Variants in ARHGAP15 observed in about 807,000 individuals in gnomAD.
ARHGAP15 encodes Rho GTPase activating protein 15.
A neutral mutation model predicts 63.7 loss-of-function variants in ARHGAP15; 51 were observed. The ratio of observed to expected loss-of-function variants is 0.80; its 90% CI spans 0.64 to 1.01. The LOEUF (loss-of-function observed/expected upper bound fraction) is 1.01. ARHGAP15 is among the 50% of genes least tolerant of loss of function. The pLI, the probability that ARHGAP15 is intolerant of heterozygous loss-of-function variation, is 0.00. For missense variants in ARHGAP15, 560 were observed against 564.6 expected (o/e 0.99, Z 0.08); for synonymous variants, 191 against 193.8 (o/e 0.99, Z 0.12).
At chr2:143,400,047 G>C (rs533828602) in intron 6 of ARHGAP15, among the ~76,000 whole-genome samples, 6 of 152,120 alleles carry the variant, frequency 3.9e-5, no homozygotes, top group African/African-American at 9.6e-5. Context: ...GTGGTTCTGT[G>C]AACTGGTTGT....
chr2:143,354,989 GTTT>G (rs903371832), intron 6 of ARHGAP15, among the ~76,000 whole-genome samples: 3 of 152,048 alleles, frequency 2.0e-5, no homozygotes, highest in Non-Finnish European at 1.5e-5. Flanking sequence ...CATTGTAAGC[GTTT>G]TTTAACATCC....
intron 6 of ARHGAP15, among the ~76,000 whole-genome samples, chr2:143,357,353 ATCT>A (rs1466774643): frequency 1.4e-5 from 2 of 145,264 alleles, no homozygotes; most frequent in Non-Finnish European, 3.1e-5. Flanking sequence ...ATTTATGGAA[ATCT>A]TTTTTTTTTT....
At chr2:143,218,161 G>A (rs1042250372) in intron 4 of ARHGAP15, among the ~76,000 whole-genome samples, 4 of 151,454 alleles carry the variant, frequency 2.6e-5, no homozygotes, top group African/African-American at 4.9e-5. Flanking sequence ...CCTGTTTTCC[G>A]TGTTACAGTT....
intron 13 of ARHGAP15, among the ~76,000 whole-genome samples, chr2:143,715,953 T>A (rs765147025): frequency 1.3e-5 from 2 of 152,198 alleles, no homozygotes; most frequent in Non-Finnish European, 2.9e-5. Context: ...TAGCTAGCAC[T>A]ATTTATTAAA....
At chr2:143,259,365 T>C (rs929615403) in intron 6 of ARHGAP15, among the ~76,000 whole-genome samples, 1 of 152,138 alleles carries the variant, frequency 6.6e-6, no homozygotes, top group African/African-American at 2.4e-5. Flanking sequence ...TTAATGCATA[T>C]GAAAATAAAT....
chr2:143,745,851 C>G (rs1286563966), intron 13 of ARHGAP15, among the ~76,000 whole-genome samples: 4 of 152,186 alleles, frequency 2.6e-5, no homozygotes, highest in African/African-American at 9.7e-5. Flanking sequence ...GAAACTGAAG[C>G]TGAGCAAGGC....
chr2:143,671,256 T>C (rs1682511036), intron 12 of ARHGAP15, among the ~76,000 whole-genome samples: 1 of 152,166 alleles, frequency 6.6e-6, no homozygotes, highest in Admixed American at 6.5e-5. Context: ...AATTAGTTTT[T>C]TTTTTATATC....
At chr2:143,326,754 T>A (rs974240071) in intron 6 of ARHGAP15, among the ~76,000 whole-genome samples, 2 of 152,180 alleles carry the variant, frequency 1.3e-5, no homozygotes, top group African/African-American at 4.8e-5. Flanking sequence ...TAGGTATTGA[T>A]GGGTCTTATC....
intron 11 of ARHGAP15, among the ~76,000 whole-genome samples, chr2:143,577,583 C>T (rs906833444): frequency 2.6e-5 from 4 of 152,142 alleles, no homozygotes; most frequent in Non-Finnish European, 4.4e-5. Flanking sequence ...GCTTCATACT[C>T]AGGCTTTGCA....
chr2:143,193,276 G>A lies in ARHGAP15; in HGVS notation c.166-8858G>A, dbSNP rs552608740. ...GCAAGAATCCAGCCAACTTGTGAGT[G>A]GGCACCATGCCATTTGAGCAGATGG... is the stretch of plus-strand genomic sequence containing the variant. On this transcript the variant is annotated intron_variant, in intron 2 of 13. Coordinates refer to ENST00000295095, the MANE Select transcript of ARHGAP15 (RefSeq NM_018460.4). 6 of 152,796 alleles carry A rather than the reference G, an allele frequency of 3.9e-5. No homozygotes were observed. The South Asian group carries it at 1.2e-3, about 32-fold the overall frequency. 9.5% of individuals were successfully genotyped at this position (152,796 alleles called of 1,614,324 possible).
chr2:143,731,099 C>T (rs1329523445), intron 13 of ARHGAP15, among the ~76,000 whole-genome samples: 3 of 151,694 alleles, frequency 2.0e-5, no homozygotes, highest in Non-Finnish European at 2.9e-5. Flanking sequence ...AGAGGTGAAA[C>T]GCTAGAAAGG....
chr2:143,291,440 A>C (rs913591350), intron 6 of ARHGAP15, among the ~76,000 whole-genome samples: 1 of 71,058 alleles, frequency 1.4e-5, no homozygotes, highest in African/African-American at 7.2e-5. Context: ...TCAGGCACAT[A>C]CATTTGTGTG....
intron 6 of ARHGAP15, among the ~76,000 whole-genome samples, chr2:143,286,731 A>T (rs1017240474): frequency 6.6e-6 from 1 of 152,196 alleles, no homozygotes; most frequent in Non-Finnish European, 1.5e-5. Context: ...TTATTTTTTT[A>T]AAATACAGTC....
At position 143,536,205 on chromosome 2, in the gene ARHGAP15, C is replaced by T. The variant is rs550659495; in HGVS notation, c.925+16841C>T. On this transcript the variant is annotated intron_variant, in intron 10 of 13. Coordinates refer to ENST00000295095, the MANE Select transcript of ARHGAP15 (RefSeq NM_018460.4). ...CCAACATTTTCTCATTCCTACCGTC[C>T]GCCTAATCATACCAGCCTCTAGTAG... Among the ~76,000 whole-genome samples the T allele has an allele frequency of 7.2e-5, 11 of 152,200 alleles. No individual in the cohort carries two copies. In the South Asian group the frequency reaches 8.3e-4, roughly 11 times the overall value.
intron 12 of ARHGAP15, among the ~76,000 whole-genome samples, chr2:143,645,717 C>T (rs772949439): frequency 6.6e-6 from 1 of 151,884 alleles, no homozygotes; most frequent in Non-Finnish European, 1.5e-5. Flanking sequence ...AAGTCAAATT[C>T]CGCGATACTA....
At chr2:143,527,275 A>G (rs1237815624) in intron 10 of ARHGAP15, among the ~76,000 whole-genome samples, 2 of 152,100 alleles carry the variant, frequency 1.3e-5, no homozygotes, top group Non-Finnish European at 2.9e-5. Context: ...TTTTTTGTAC[A>G]GGATATTTAG....
intron 2 of ARHGAP15, among the ~76,000 whole-genome samples, chr2:143,190,992 A>G (rs1691665484): frequency 2.0e-5 from 3 of 152,178 alleles, no homozygotes; most frequent in Non-Finnish European, 2.9e-5. Context: ...GATGGTCTCC[A>G]TCTTTTGACC....
chr2:143,139,185 A>G (rs1689263868), intron 1 of ARHGAP15, among the ~76,000 whole-genome samples: 1 of 152,092 alleles, frequency 6.6e-6, no homozygotes, highest in Admixed American at 6.6e-5. Context: ...ATTATGTCCC[A>G]CATTAAATCC....
chr2:143,411,102 G>C (rs1688424070), intron 6 of ARHGAP15, among the ~76,000 whole-genome samples: 1 of 152,118 alleles, frequency 6.6e-6, no homozygotes, highest in Non-Finnish European at 1.5e-5. Context: ...CTACTCGGGA[G>C]ACTGAGGCAG....
Sources: gnomAD v4.1 joint callset for allele counts (sites outside exome capture counted in the v4.1 genomes callset) on GRCh38, gnomAD v4.1.1 for gene constraint, MANE v1.5 for transcripts, NCBI Gene and HGNC (gene_info 2026-07-23, HGNC 2026-07-21) for gene names.